The following HPSE2 variants were observed in gnomAD, a reference collection of about 807,000 sequenced individuals.
The protein encoded by HPSE2 is inactive heparanase-2.
HPSE2 carries 38 observed loss-of-function variants against 60.5 expected under a neutral mutation model. That is an observed-to-expected ratio of 0.63 (90% CI 0.48 to 0.82). HPSE2 has a LOEUF of 0.82. Among genes scored for constraint, HPSE2 ranks in the 40% least tolerant of loss-of-function variants. The pLI, the probability that HPSE2 is intolerant of heterozygous loss-of-function variation, is 0.00. For synonymous variants in HPSE2, 295 were observed against 293.2 expected (o/e 1.01, Z -0.06); for missense variants, 713 against 740.4 (o/e 0.96, Z 0.43).
At position 98,936,960 on chromosome 10, in the gene HPSE2, C is replaced by T. The variant is rs558250788; in HGVS notation, c.611-192904G>A. Among the ~76,000 whole-genome samples, 25 of 91,198 alleles carry T rather than the reference C, an allele frequency of 2.7e-4. 3 individuals are homozygous for T. The highest frequency in any genetic ancestry group is 1.3e-3 in the African/African-American group (22 of 17,478). The allele number at this position is 91,198 out of a possible 152,430, so 59.8% of individuals were successfully genotyped here. ...CACTACTACACTCCAAACTGGGCGA[C>T]AGTAGGAGACTCCATCTCAAAAAAA... On this transcript the variant is annotated intron_variant, in intron 3 of 11. Coordinates refer to ENST00000370552, the MANE Select transcript of HPSE2 (RefSeq NM_021828.5).
At chr10:98,723,101 T>G (rs1486357306) in intron 4 of HPSE2, among the ~76,000 whole-genome samples, 2 of 152,172 alleles carry the variant, frequency 1.3e-5, no homozygotes, top group African/African-American at 4.8e-5. Flanking sequence ...GGCTGTGGGT[T>G]TGTCATAGAT....
At chr10:98,954,437 G>A (rs1021547637) in intron 3 of HPSE2, among the ~76,000 whole-genome samples, 1 of 152,186 alleles carries the variant, frequency 6.6e-6, no homozygotes, top group African/African-American at 2.4e-5. Flanking sequence ...CACTGAACGT[G>A]TCACTAAAAA....
At chr10:98,471,686 T>C (rs747562662) in intron 11 of HPSE2, among the ~76,000 whole-genome samples, 2 of 152,156 alleles carry the variant, frequency 1.3e-5, no homozygotes, top group Non-Finnish European at 2.9e-5. Flanking sequence ...GGGATGATTA[T>C]GCTCCTCGGT....
chr10:99,201,845 T>A (rs751673935), intron 2 of HPSE2, among the ~76,000 whole-genome samples: 61 of 152,254 alleles, frequency 4.0e-4, no homozygotes, highest in East Asian at 1.9e-4. Flanking sequence ...AGACTCCTAG[T>A]TTTTTCCAGA....
intron 3 of HPSE2, among the ~76,000 whole-genome samples, chr10:98,756,250 T>C (rs1949876273): frequency 6.6e-6 from 1 of 151,632 alleles, no homozygotes; most frequent in African/African-American, 2.4e-5. Context: ...CAACCTAACA[T>C]CACACCTAGA....
chr10:99,288,183 G>A, the HPSE2 span, among the ~76,000 whole-genome samples: 2 of 152,092 alleles, frequency 1.3e-5, no homozygotes, highest in Admixed American at 6.6e-5. Context: ...TAAAATCTAA[G>A]GGATAGGCTA....
intron 3 of HPSE2, among the ~76,000 whole-genome samples, chr10:99,019,504 T>C (rs1444605450): frequency 6.6e-6 from 1 of 152,196 alleles, no homozygotes; most frequent in Non-Finnish European, 1.5e-5. Context: ...GTAATGGTCT[T>C]ACCTTTATAT....
intron 9 of HPSE2, among the ~76,000 whole-genome samples, chr10:98,594,035 T>C (rs1417964149): frequency 6.6e-6 from 1 of 152,180 alleles, no homozygotes; most frequent in Non-Finnish European, 1.5e-5. Context: ...AAATAAAAAT[T>C]ATACATATAT....
chr10:98,932,911 T>C lies in HPSE2; in HGVS notation c.611-188855A>G, dbSNP rs1564667115. Among the ~76,000 whole-genome samples the C allele has an allele frequency of 2.8e-5, 4 of 143,712 alleles. No homozygotes were observed. In the South Asian group the frequency reaches 8.4e-4, roughly 30 times the overall value. 94.3% of individuals were successfully genotyped at this position (143,712 alleles called of 152,430 possible). A position where few individuals can be genotyped will look rare whatever the true frequency, so the allele number is the denominator to read the frequency against. On this transcript the variant is annotated intron_variant, in intron 3 of 11. Transcript: ENST00000370552. ...GCTAACAGTCTATCTATTTTATTGA[T>C]TTTTTCAAAAACACAGCTCCTGGAT...
intron 3 of HPSE2, chr10:99,013,447 T>G (rs1957063922): frequency 2.0e-6 from 1 of 494,542 alleles, no homozygotes; most frequent in Non-Finnish European, 3.8e-6. Context: ...TATCCTCCAT[T>G]AGGAAATGTA....
the HPSE2 span, among the ~76,000 whole-genome samples, chr10:99,305,977 G>GCACACACACACACACACACACA: frequency 3.4e-3 from 182 of 53,678 alleles, 1 homozygote; most frequent in Middle Eastern, 0.01. Flanking sequence ...GCGCGCGCGC[G>GCACACACACACACACACACACA]CGCACACACA....
At position 99,232,446 on chromosome 10, in the gene HPSE2, C is replaced by T. The variant is rs760513258; in HGVS notation, c.350G>A (p.Gly117Asp). 3.9e-6 allele frequency: 6 copies of T among 1,558,016 alleles called. No homozygotes were observed. Among genetic ancestry groups the T allele is most frequent in the East Asian group, 4.8e-5 (2 of 41,672 alleles). Reference protein sequence around the residue: ...GLSPAFLRFGGKRTDFLQFQN... With the variant: ...GLSPAFLRFGDKRTDFLQFQN... ...GAACTGCAGGAAGTCGGTCCTTTTGCCCCCGAAGCGCAGAAAGGCGGGCGA... is the reference window on the plus strand; with the variant it reads ...GAACTGCAGGAAGTCGGTCCTTTTGTCCCCGAAGCGCAGAAAGGCGGGCGA... The change falls in exon 2 of 12, where the codon GGC becomes GAC. Residue 117 changes from glycine to aspartate, a missense_variant. Physicochemically the swap from Gly to Asp is moderately conservative, Grantham distance 94. Transcript: ENST00000370552.
At chr10:99,288,931 T>C in the HPSE2 span, among the ~76,000 whole-genome samples, 30 of 152,306 alleles carry the variant, frequency 2.0e-4, 1 homozygote, top group Middle Eastern at 3.4e-3. Flanking sequence ...GGTATACTTA[T>C]ATAGTTTAGC....
chr10:98,597,013 C>T (rs1945256993), intron 9 of HPSE2, among the ~76,000 whole-genome samples: 1 of 152,072 alleles, frequency 6.6e-6, no homozygotes, highest in African/African-American at 2.4e-5. Context: ...ACACGTCCTT[C>T]TTTACATGGT....
chr10:98,964,548 C>T (rs1955765447), intron 3 of HPSE2, among the ~76,000 whole-genome samples: 2 of 151,952 alleles, frequency 1.3e-5, no homozygotes, highest in Non-Finnish European at 2.9e-5. Context: ...GTTTTCCCAC[C>T]CACTAATCAC....
chr10:99,312,656 T>A, the HPSE2 span, among the ~76,000 whole-genome samples: 1 of 152,264 alleles, frequency 6.6e-6, no homozygotes, highest in Non-Finnish European at 1.5e-5. Context: ...AGGAAATTAA[T>A]GTTGTTTTCA....
intron 2 of HPSE2, among the ~76,000 whole-genome samples, chr10:99,167,083 C>T (rs978421132): frequency 2.0e-5 from 3 of 151,636 alleles, no homozygotes; most frequent in African/African-American, 4.8e-5. Context: ...TAATCTTGAC[C>T]CACTGCAGCC....
chr10:98,946,816 C>T (rs941450020), intron 3 of HPSE2, among the ~76,000 whole-genome samples: 3 of 151,990 alleles, frequency 2.0e-5, no homozygotes, highest in Non-Finnish European at 2.9e-5. Flanking sequence ...TCTGTAGCTA[C>T]CTCCTGTGGC....
chr10:99,150,765 C>T (rs1168606548), intron 2 of HPSE2, among the ~76,000 whole-genome samples: 1 of 152,106 alleles, frequency 6.6e-6, no homozygotes, highest in Non-Finnish European at 1.5e-5. Context: ...TCACACATAA[C>T]TGGCTAATGG....
Sources: gnomAD v4.1 joint callset for allele counts (sites outside exome capture counted in the v4.1 genomes callset) on GRCh38, gnomAD v4.1.1 for gene constraint, MANE v1.5 for transcripts, NCBI Gene and HGNC (gene_info 2026-07-23, HGNC 2026-07-21) for gene names.